The following BMPR2 variants were observed in gnomAD, a reference collection of about 807,000 sequenced individuals.
The protein encoded by BMPR2 is bone morphogenetic protein receptor type-2.
Under a neutral mutation model 100.8 loss-of-function variants are expected in BMPR2, and 29 were observed. The observed-to-expected ratio is 0.29, with a 90% CI of 0.21 to 0.39. The LOEUF is 0.39. Among genes scored for constraint, BMPR2 ranks in the 10% least tolerant of loss-of-function variants. BMPR2 has a pLI of 1.00. For synonymous variants in BMPR2, 382 were observed against 442.3 expected (o/e 0.86, Z 1.71); for missense variants, 1,011 against 1,274.5 (o/e 0.79, Z 3.15).
rs1255964888 is a variant in BMPR2 at position 202,445,190 on chromosome 2, C to G, written c.77-19619C>G. Among the ~76,000 whole-genome samples the G allele has an allele frequency of 2.0e-5, 3 of 150,358 alleles. No individual in the cohort carries two copies. The South Asian group carries it at 6.2e-4, about 31-fold the overall frequency. ...GATGCTTTTTTGTATAGGAGTCCCA[C>G]AAGATATGCAAACATTTTTATTTAT... On this transcript the variant is annotated intron_variant, in intron 1 of 12. Coordinates refer to ENST00000374580, the MANE Select transcript of BMPR2 (RefSeq NM_001204.7).
chr2:202,383,799 C>T (rs1397504105), intron 1 of BMPR2, among the ~76,000 whole-genome samples: 2 of 151,670 alleles, frequency 1.3e-5, no homozygotes, highest in East Asian at 1.9e-4. Flanking sequence ...TGCAGTGAGC[C>T]GAGATCGTAC....
chr2:202,506,359 TG>T lies in BMPR2; in HGVS notation c.419-7359del, dbSNP rs1411741471. Among the ~76,000 whole-genome samples the T allele has an allele frequency of 2.0e-5, 3 of 152,072 alleles. 1 individual carries two copies. Among genetic ancestry groups the T allele is most frequent in the African/African-American group, 7.2e-5 (3 of 41,424 alleles). ...TTTTAGTAGAGACAGGGTTTCGCCA[TG>T]TTGGCCAGCCTGGTCTCAAACTCCT... On this transcript the variant is annotated intron_variant, in intron 3 of 12. Transcript: ENST00000374580.
chr2:202,394,364 GTAA>G (rs71031896), intron 1 of BMPR2, among the ~76,000 whole-genome samples: 33 of 149,686 alleles, frequency 2.2e-4, no homozygotes, highest in African/African-American at 4.6e-4. Context: ...AAAAAAAAAA[GTAA>G]TAATAATAAT....
intron 10 of BMPR2, among the ~76,000 whole-genome samples, chr2:202,546,574 A>G (rs1025412440): frequency 6.6e-6 from 1 of 152,152 alleles, no homozygotes; most frequent in African/African-American, 2.4e-5. Flanking sequence ...AACTACTTTA[A>G]CAATCACATA....
intron 3 of BMPR2, among the ~76,000 whole-genome samples, chr2:202,483,739 T>A (rs1692710950): frequency 6.6e-6 from 1 of 152,172 alleles, no homozygotes; most frequent in African/African-American, 2.4e-5. Context: ...AATTTATCTA[T>A]TCTTTTGCTG....
intron 7 of BMPR2, among the ~76,000 whole-genome samples, chr2:202,525,140 A>AT (rs919650065): frequency 1.3e-4 from 20 of 152,002 alleles, no homozygotes; most frequent in African/African-American, 4.8e-4. Context: ...TGCATCATTA[A>AT]TTTTTTTAAT....
At chr2:202,423,251 G>T (rs936877080) in intron 1 of BMPR2, among the ~76,000 whole-genome samples, 2 of 152,152 alleles carry the variant, frequency 1.3e-5, no homozygotes, top group African/African-American at 4.8e-5. Context: ...CACCTCCTTG[G>T]AATAGAAAAG....
intron 3 of BMPR2, among the ~76,000 whole-genome samples, chr2:202,511,349 G>A (rs1188228653): frequency 2.0e-5 from 3 of 152,148 alleles, no homozygotes; most frequent in Admixed American, 6.5e-5. Context: ...TTCGGGTGTT[G>A]TAAATAGTGA....
At chr2:202,499,546 C>A (rs1367142645) in intron 3 of BMPR2, among the ~76,000 whole-genome samples, 1 of 152,140 alleles carries the variant, frequency 6.6e-6, no homozygotes, top group Non-Finnish European at 1.5e-5. Context: ...CAATGATGTC[C>A]ACCATAAATC....
intron 1 of BMPR2, among the ~76,000 whole-genome samples, chr2:202,439,625 C>T (rs1234596353): frequency 2.0e-5 from 3 of 149,920 alleles, no homozygotes; most frequent in Non-Finnish European, 4.4e-5. Flanking sequence ...AGGGGAATCT[C>T]CAGTACAAGT....
At chr2:202,437,771 A>T (rs1026502195) in intron 1 of BMPR2, among the ~76,000 whole-genome samples, 1 of 150,604 alleles carries the variant, frequency 6.6e-6, no homozygotes, top group Admixed American at 6.6e-5. Context: ...TTCAGGGTCC[A>T]TCCATGTTGT....
chr2:202,549,565 A>G (rs973459916), intron 10 of BMPR2, among the ~76,000 whole-genome samples: 2 of 152,134 alleles, frequency 1.3e-5, no homozygotes, highest in African/African-American at 4.8e-5. Context: ...CCTGGCCAAC[A>G]TGGTGAAACC....
intron 1 of BMPR2, among the ~76,000 whole-genome samples, chr2:202,417,885 A>G (rs1691170047): frequency 6.6e-6 from 1 of 151,366 alleles, no homozygotes; most frequent in African/African-American, 2.4e-5. Flanking sequence ...CGCCCGGCTA[A>G]TTTTTTGTTT....
Position 202,555,535 on chromosome 2 carries a change from A to T in BMPR2, c.1870A>T (p.Thr624Ser). ...TTNTTGLTPS[T>S]GMTTISEMPY... ...AAACACCACAGGACTCACGCCAAGTACTGGCATGACTACTATATCTGAGAT... is the reference window on the plus strand; with the variant it reads ...AAACACCACAGGACTCACGCCAAGTTCTGGCATGACTACTATATCTGAGAT... The change falls in exon 12 of 13, where the codon ACT (threonine) becomes TCT (serine). Residue 624 changes from threonine to serine, a missense_variant. Around this residue, in one of 6 missense-constraint regions of BMPR2, gnomAD observed 508 missense variants for 552.0 expected, o/e 0.92. Coordinates refer to ENST00000374580, the MANE Select transcript of BMPR2 (RefSeq NM_001204.7). 6.2e-7 allele frequency: 1 copy of T among 1,614,210 alleles called. No homozygotes were observed. The highest frequency in any genetic ancestry group is 8.5e-7 in the Non-Finnish European group (1 of 1,180,038).
At position 202,493,105 on chromosome 2, in the gene BMPR2, A is replaced by T. The variant is rs901806289; in HGVS notation, c.419-20614A>T. On this transcript the variant is annotated intron_variant, in intron 3 of 12. Transcript: ENST00000374580. The stretch of plus-strand genomic sequence containing the variant: ...AAAATTGACGAGGGATCTTTGAGTG[A>T]CATAGTCTTTGGTTTAGTTCTATAT... Among the ~76,000 whole-genome samples, 4 of 152,312 alleles carry T rather than the reference A, an allele frequency of 2.6e-5. No individual in the cohort carries two copies. In the South Asian group the frequency reaches 8.3e-4, roughly 32 times the overall value.
chr2:202,428,396 T>C (rs1401292264), intron 1 of BMPR2, among the ~76,000 whole-genome samples: 1 of 142,570 alleles, frequency 7.0e-6, no homozygotes. Flanking sequence ...CTCTCTCTCT[T>C]TCTCTCTCTC....
intron 7 of BMPR2, among the ~76,000 whole-genome samples, chr2:202,529,439 G>T (rs904647784): frequency 2.6e-5 from 4 of 152,158 alleles, no homozygotes; most frequent in Admixed American, 6.6e-5. Flanking sequence ...TCTGCCCATT[G>T]ATTTGGTATT....
intron 1 of BMPR2, among the ~76,000 whole-genome samples, chr2:202,440,654 C>T (rs997397439): frequency 1.3e-5 from 2 of 150,482 alleles, no homozygotes; most frequent in Non-Finnish European, 2.9e-5. Flanking sequence ...GCCGAGATCA[C>T]GCCACTGCAC....
chr2:202,443,331 A>G (rs1207222193), intron 1 of BMPR2, among the ~76,000 whole-genome samples: 1 of 150,718 alleles, frequency 6.6e-6, no homozygotes, highest in Non-Finnish European at 1.5e-5. Flanking sequence ...ATACCCAGAA[A>G]TAGAATTGCT....
Sources: allele counts gnomAD v4.1 joint callset (sites outside exome capture counted in the v4.1 genomes callset), GRCh38; gene constraint gnomAD v4.1.1; regional missense constraint gnomAD v4.1.1; transcripts MANE v1.5; gene names NCBI Gene and HGNC (gene_info 2026-07-23, HGNC 2026-07-21).